Variants in MMP27 observed in about 807,000 individuals in gnomAD.
MMP27 encodes the protein matrix metalloproteinase-27.
Under a neutral mutation model 48.1 loss-of-function variants are expected in MMP27, and 51 were observed. That is an observed-to-expected ratio of 1.06 (90% CI 0.85 to 1.34). The LOEUF (loss-of-function observed/expected upper bound fraction) is 1.34, where lower values mean the gene tolerates loss of function less well. MMP27 is among the 40% of genes most tolerant of loss of function. MMP27 has a pLI of 0.00. For missense variants in MMP27, 698 were observed against 619.3 expected (o/e 1.13, Z -1.35); for synonymous variants, 229 against 208.9 (o/e 1.10, Z -0.83).
chr11:102,701,743 G>A (rs150581512), intron 4 of MMP27, among the ~76,000 whole-genome samples: 2 of 152,228 alleles, frequency 1.3e-5, no homozygotes, highest in South Asian at 2.1e-4. Flanking sequence ...ACTGACTTTC[G>A]CCCTTTTCAC....
chr11:102,691,703 A>G lies in MMP27; in HGVS notation c.*63T>C. 7.2e-7 allele frequency: 1 copy of G among 1,381,722 alleles called. No individual in the cohort carries two copies. The allele number at this position is 1,381,722 out of a possible 1,614,324, so 85.6% of individuals were successfully genotyped here. On this transcript the variant is annotated 3_prime_UTR_variant, in exon 10 of 10. Coordinates refer to ENST00000260229, the MANE Select transcript of MMP27 (RefSeq NM_022122.3). ...CAACTTGTTGTTAAAGAATGGTTTTATTCTATTTTGAAGCAGAATTTATAT... is the reference window on the plus strand; with the variant it reads ...CAACTTGTTGTTAAAGAATGGTTTTGTTCTATTTTGAAGCAGAATTTATAT...
chr11:102,692,110 C>T (rs532696970), intron 9 of MMP27, 100 bp from the exon 10 acceptor site: 293 of 1,152,138 alleles, frequency 2.5e-4, no homozygotes, highest in Middle Eastern at 8.9e-4. Flanking sequence ...TTATGGAGAA[C>T]GAAGAAATTT....
chr11:102,702,838 C>A lies in MMP27; in HGVS notation c.534G>T (p.Val178=), dbSNP rs3809018. The change falls in exon 4 of 10, where the codon GTG becomes GTT. Residue 178 remains valine (V), a synonymous_variant. Coordinates refer to ENST00000260229, the MANE Select transcript of MMP27 (RefSeq NM_022122.3). ...CPRYFDGPLG[V]LGHAFPPGPG... ...GACCAGGAGGAAAGGCATGGCCAAGCACTCCCAAGGGACCATCAAAATAGC... is the reference window on the plus strand; with the variant it reads ...GACCAGGAGGAAAGGCATGGCCAAGAACTCCCAAGGGACCATCAAAATAGC... The A allele has an allele frequency of 0.19, 302,233 of 1,613,440 alleles. 30,347 individuals are homozygous for A. The highest frequency in any genetic ancestry group is 0.2 in the Non-Finnish European group (241,266 of 1,179,760).
chr11:102,700,133 G>T (rs1014994897), intron 4 of MMP27, among the ~76,000 whole-genome samples: 1 of 152,156 alleles, frequency 6.6e-6, no homozygotes, highest in Non-Finnish European at 1.5e-5. Flanking sequence ...ATATACAAGG[G>T]TATATTTCAT....
At chr11:102,697,277 T>C (rs1044697179) in intron 4 of MMP27, among the ~76,000 whole-genome samples, 2 of 152,136 alleles carry the variant, frequency 1.3e-5, no homozygotes, top group South Asian at 4.1e-4. Flanking sequence ...AAAAATATGG[T>C]ATAAAAGATA....
In MMP27 at chr11:102,693,908, C is replaced by A; in HGVS notation, c.1191G>T (p.Trp397Cys). ...GTGTCAATTGTCTGTAAACTTACCTCCAGCACCAAATGCCCACAAAGAAGT... is the reference window on the plus strand; with the variant it reads ...GTGTCAATTGTCTGTAAACTTACCTACAGCACCAAATGCCCACAAAGAAGT... ...KTYFFVGIWC[W>C]RFDEMTQTMD... Residue 397 changes from tryptophan (W) to cysteine (C), a missense_variant and splice_region_variant, in exon 8 of 10, where the codon TGG becomes TGT. Physicochemically the swap from Trp to Cys is radical, Grantham distance 215. Transcript: ENST00000260229. 6.3e-7 allele frequency: 1 copy of A among 1,596,024 alleles called. No individual in the cohort carries two copies.
Position 102,702,942 on chromosome 11 carries a change from T to C in MMP27, c.490+28A>G, listed in dbSNP as rs1178409229. On this transcript the variant is annotated intron_variant, in intron 3 of 9. Transcript: ENST00000260229. ...TTCCTCAAATCTCCTGAGATAAAAA[T>C]AGCTTTGCTCTCTGTTGAAAACCTT... 3.7e-6 allele frequency: 6 copies of C among 1,611,900 alleles called. No homozygotes were observed. The African/African-American group carries it at 4.0e-5, about 11-fold the overall frequency.
rs747053945 is a variant in MMP27, at chr11:102,704,792, G to GAA, written c.103-19_103-18dup. On this transcript the variant is annotated splice_polypyrimidine_tract_variant and intron_variant, in intron 1 of 9. Coordinates refer to ENST00000260229, the MANE Select transcript of MMP27 (RefSeq NM_022122.3). ...GAGATATGCCTGACCAAAAAGATAA[G>GAA]AAAAAAAAAAAAGAGGCACAGACTA... is the stretch of plus-strand genomic sequence containing the variant. The GAA allele has an allele frequency of 6.0e-4, 665 of 1,113,474 alleles. No homozygotes were observed. Among genetic ancestry groups the GAA allele is most frequent in the Middle Eastern group, 7.7e-4 (3 of 3,902 alleles). 69.0% of individuals were successfully genotyped at this position (1,113,474 alleles called of 1,614,324 possible). A position where few individuals can be genotyped will look rare whatever the true frequency, so the allele number is the denominator to read the frequency against.
rs76959059 is a variant in MMP27, at chr11:102,692,262, C to T, written c.1298-252G>A. Among the ~76,000 whole-genome samples, 885 of 152,174 alleles carry T rather than the reference C, an allele frequency of 5.8e-3. 8 individuals carry two copies. Among genetic ancestry groups the T allele is most frequent in the East Asian group, 0.023 (121 of 5,174 alleles). On this transcript the variant is annotated intron_variant, in intron 9 of 9. Coordinates refer to ENST00000260229, the MANE Select transcript of MMP27 (RefSeq NM_022122.3). ...CTTTCTAGCCAGACTGTGGTCTATG[C>T]CAGAGGTTTTCAAACTAGGCTTCAA...
At chr11:102,696,298 C>T in intron 6 of MMP27, 73 bp downstream of exon 6, 1 of 1,531,124 alleles carries the variant, frequency 6.5e-7, no homozygotes, top group Non-Finnish European at 9.0e-7. Context: ...CCCATGACTA[C>T]CTCTTTATCC....
chr11:102,694,377 G>T (rs1011172597), intron 7 of MMP27, among the ~76,000 whole-genome samples: 5 of 152,084 alleles, frequency 3.3e-5, no homozygotes, highest in African/African-American at 1.2e-4. Flanking sequence ...ACATCACATT[G>T]TACCCCATAA....
rs1191581344 is a variant in MMP27, at chr11:102,702,847, G to A, written c.525C>T (p.Pro175=). ...HGRCPRYFDG[P]LGVLGHAFPP... ...GAAAGGCATGGCCAAGCACTCCCAA[G>A]GGACCATCAAAATAGCGAGGACACC... Residue 175 remains proline (P), a synonymous_variant, in exon 4 of 10, where the codon CCC becomes CCT. Coordinates refer to ENST00000260229, the MANE Select transcript of MMP27 (RefSeq NM_022122.3). The A allele has an allele frequency of 1.2e-6, 2 of 1,613,770 alleles. No individual in the cohort carries two copies. Among genetic ancestry groups the A allele is most frequent in the Admixed American group, 1.7e-5 (1 of 59,934 alleles).
In MMP27 at chr11:102,691,797, T is replaced by C; in HGVS notation, c.1511A>G (p.His504Arg). 1.2e-6 allele frequency: 2 copies of C among 1,604,074 alleles called. No homozygotes were observed. The highest frequency in any genetic ancestry group is 1.7e-6 in the Non-Finnish European group (2 of 1,173,682). The stretch of plus-strand genomic sequence containing the variant: ...ATAAATAGAAGTGTTTTTCAGCAAA[T>C]GAACAATACCAAAAATAAACAAGCT... Reference protein sequence around the residue: ...SLSLFIFGIVHLLKNTSIYQ With the variant: ...SLSLFIFGIVRLLKNTSIYQ Residue 504 changes from histidine (H) to arginine (R), a missense_variant, in exon 10 of 10, where the codon CAT becomes CGT. By Grantham distance (29) the His-to-Arg change is conservative (BLOSUM62 0). Transcript: ENST00000260229.
chr11:102,704,416 G>T, intron 2 of MMP27, 121 bp downstream of exon 2: 7 of 771,128 alleles, frequency 9.1e-6, no homozygotes, highest in Non-Finnish European at 1.3e-5. Context: ...CGTAAATGGA[G>T]CCTAAGATGT....
intron 1 of MMP27, 110 bp downstream of exon 1, chr11:102,705,503 A>G (rs1171910046): frequency 3.0e-6 from 2 of 659,340 alleles, no homozygotes; most frequent in African/African-American, 1.9e-5. Flanking sequence ...CCTTCTCACA[A>G]AAAAGTTCAG....
intron 7 of MMP27, among the ~76,000 whole-genome samples, chr11:102,694,739 G>GTT (rs1860791716): frequency 6.6e-6 from 1 of 152,224 alleles, no homozygotes; most frequent in East Asian, 1.9e-4. Flanking sequence ...GACTTTTTTA[G>GTT]TTTTTATCAC....
rs73588692 is a variant in MMP27, at chr11:102,699,566, T to C, written c.620-2731A>G. 8.4e-3 allele frequency among the ~76,000 whole-genome samples: 1,285 copies of C among 152,294 alleles called. 23 individuals carry two copies. Among genetic ancestry groups the C allele is most frequent in the African/African-American group, 0.029 (1,218 of 41,558 alleles). On this transcript the variant is annotated intron_variant, in intron 4 of 9. Coordinates refer to ENST00000260229, the MANE Select transcript of MMP27 (RefSeq NM_022122.3). ...CTAAGGAAAACCTCAGCTTCCCTGA[T>C]GGAAATTTGCCTAGTGATGTTTGCA...
rs61754772 is a variant in MMP27, at chr11:102,704,648, T to C, written c.230A>G (p.Lys77Arg). ...QAFFGLTVTG[K>R]LDSNTLEIMK... ...GATCTCAAGGGTGTTTGAGTCCAGT[T>C]TTCCAGTCACTGTCAATCCAAAAAA... The change falls in exon 2 of 10, where the codon AAA (lysine) becomes AGA (arginine). Residue 77 changes from lysine (K) to arginine (R), a missense_variant. Lys to Arg is a conservative substitution (Grantham distance 26). Coordinates refer to ENST00000260229, the MANE Select transcript of MMP27 (RefSeq NM_022122.3). 34,332 of 1,614,116 alleles carry C rather than the reference T, an allele frequency of 0.021. 445 individuals are homozygous for C. Among genetic ancestry groups the C allele is most frequent in the Non-Finnish European group, 0.026 (30,208 of 1,179,976 alleles).
Position 102,691,691 on chromosome 11 carries a change from A to G in MMP27, c.*75T>C. The G allele has an allele frequency of 7.7e-7, 1 of 1,295,426 alleles. No individual in the cohort carries two copies. The highest frequency in any genetic ancestry group is 1.7e-5 in the South Asian group (1 of 58,226). 80.2% of individuals were successfully genotyped at this position (1,295,426 alleles called of 1,614,324 possible). A position where few individuals can be genotyped will look rare whatever the true frequency, so the allele number is the denominator to read the frequency against. On this transcript the variant is annotated 3_prime_UTR_variant, in exon 10 of 10. Coordinates refer to ENST00000260229, the MANE Select transcript of MMP27 (RefSeq NM_022122.3). ...AACTAGGACCAGCAACTTGTTGTTAAAGAATGGTTTTATTCTATTTTGAAG... is the reference window on the plus strand; with the variant it reads ...AACTAGGACCAGCAACTTGTTGTTAGAGAATGGTTTTATTCTATTTTGAAG...
Sources: allele counts gnomAD v4.1 joint callset (sites outside exome capture counted in the v4.1 genomes callset), GRCh38; gene constraint gnomAD v4.1.1; transcripts MANE v1.5; gene names NCBI Gene and HGNC (gene_info 2026-07-23, HGNC 2026-07-21).